The following RABGAP1L variants were observed in gnomAD, a reference collection of about 807,000 sequenced individuals.
RABGAP1L encodes the protein rab GTPase-activating protein 1-like.
In RABGAP1L, 63 loss-of-function variants were observed where a neutral mutation model predicts 137.7. That is an observed-to-expected ratio of 0.46 (90% CI 0.37 to 0.56). The LOEUF is 0.56. Ranked by LOEUF, RABGAP1L falls within the 20% of genes least tolerant of loss-of-function variation. The pLI, the probability that RABGAP1L is intolerant of heterozygous loss-of-function variation, is 0.00. For synonymous variants in RABGAP1L, 431 were observed against 433.7 expected, an observed-to-expected ratio of 0.99 and a Z score of 0.08; for missense variants, 1,095 against 1,244.0, an observed-to-expected ratio of 0.88 and a Z score of 1.80.
chr1:174,885,322 A>T (rs1654896501), intron 19 of RABGAP1L, among the ~76,000 whole-genome samples: 1 of 152,230 alleles, frequency 6.6e-6, no homozygotes, highest in African/African-American at 2.4e-5. Flanking sequence ...TTGTCAATAT[A>T]TGTAAAGCAC....
At chr1:174,673,885 C>CATT (rs1354804768) in intron 14 of RABGAP1L, among the ~76,000 whole-genome samples, 1 of 152,054 alleles carries the variant, frequency 6.6e-6, no homozygotes, top group Non-Finnish European at 1.5e-5. Flanking sequence ...TTTGCTACCT[C>CATT]ATTATTTAGC....
chr1:174,876,829 G>C (rs1653188670), intron 19 of RABGAP1L, among the ~76,000 whole-genome samples: 1 of 151,960 alleles, frequency 6.6e-6, no homozygotes, highest in African/African-American at 2.4e-5. Flanking sequence ...TGATATCGCT[G>C]TCCCTGTTTC....
At chr1:174,752,181 C>A in intron 17 of RABGAP1L, 132 bp from the exon 18 acceptor site, 2 of 688,852 alleles carry the variant, frequency 2.9e-6, no homozygotes, top group South Asian at 2.0e-5. Context: ...AAAAAAAACT[C>A]ATGGTTTAAT....
chr1:174,831,749 C>T (rs1692135486), intron 19 of RABGAP1L, among the ~76,000 whole-genome samples: 1 of 147,964 alleles, frequency 6.8e-6, no homozygotes, highest in South Asian at 2.2e-4. Context: ...AGCTTTATGT[C>T]TAGATAAAAC....
intron 13 of RABGAP1L, among the ~76,000 whole-genome samples, chr1:174,402,679 T>A (rs563492796): frequency 1.3e-5 from 2 of 152,296 alleles, no homozygotes; most frequent in East Asian, 3.9e-4. Context: ...GTTTTTATTA[T>A]TCCTGTTAAG....
chr1:174,621,111 A>G (rs912519884), intron 13 of RABGAP1L, among the ~76,000 whole-genome samples: 1 of 152,198 alleles, frequency 6.6e-6, no homozygotes, highest in Non-Finnish European at 1.5e-5. Context: ...TAATTGCTTC[A>G]AAGAGAATAA....
chr1:174,836,760 C>A (rs762988294), intron 19 of RABGAP1L, among the ~76,000 whole-genome samples: 2 of 152,140 alleles, frequency 1.3e-5, no homozygotes, highest in Non-Finnish European at 2.9e-5. Flanking sequence ...CTTCATCGCT[C>A]CTTCTCTTGA....
intron 13 of RABGAP1L, among the ~76,000 whole-genome samples, chr1:174,497,774 A>G (rs1353629435): frequency 1.3e-5 from 2 of 152,234 alleles, no homozygotes; most frequent in Admixed American, 6.5e-5. Flanking sequence ...CATTTGAACA[A>G]AAGATTCCAA....
chr1:174,208,793 T>C (rs187874032), intron 1 of RABGAP1L, among the ~76,000 whole-genome samples: 180 of 152,356 alleles, frequency 1.2e-3, no homozygotes, highest in African/African-American at 4.2e-3. Flanking sequence ...GTATTACCTC[T>C]GCTTCTATAT....
At chr1:174,503,654 C>T (rs1661535733) in intron 13 of RABGAP1L, among the ~76,000 whole-genome samples, 1 of 5,540 alleles carries the variant, frequency 1.8e-4, no homozygotes, top group Admixed American at 2.8e-3. Flanking sequence ...GAGCGAGACT[C>T]CGTCAAAAAA....
chr1:174,189,197 G>A (rs1667028597), intron 1 of RABGAP1L, among the ~76,000 whole-genome samples: 3 of 152,062 alleles, frequency 2.0e-5, no homozygotes, highest in Admixed American at 2.0e-4. Context: ...GGTAGAGACG[G>A]GGTTTCACTG....
chr1:174,412,737 T>C (rs891410304), intron 13 of RABGAP1L, among the ~76,000 whole-genome samples: 6 of 152,194 alleles, frequency 3.9e-5, no homozygotes, highest in African/African-American at 1.4e-4. Flanking sequence ...TTTGGCAGAA[T>C]ATGAAATTCT....
chr1:174,640,185 G>A (rs1372318804), intron 14 of RABGAP1L, among the ~76,000 whole-genome samples: 2 of 152,058 alleles, frequency 1.3e-5, no homozygotes, highest in Non-Finnish European at 2.9e-5. Flanking sequence ...ATCCTACCCT[G>A]TAGACCGCTT....
intron 11 of RABGAP1L, among the ~76,000 whole-genome samples, chr1:174,307,807 G>A (rs931263799): frequency 6.6e-6 from 1 of 152,072 alleles, no homozygotes; most frequent in Non-Finnish European, 1.5e-5. Context: ...TTGACATACT[G>A]GTTCATTTCC....
chr1:174,771,833 A>G (rs1197207715), intron 18 of RABGAP1L, among the ~76,000 whole-genome samples: 1 of 152,268 alleles, frequency 6.6e-6, no homozygotes, highest in Non-Finnish European at 1.5e-5. Flanking sequence ...TTTAATAAAT[A>G]AAATTAATAG....
At chr1:174,584,787 T>C (rs1391084256) in intron 13 of RABGAP1L, among the ~76,000 whole-genome samples, 1 of 152,110 alleles carries the variant, frequency 6.6e-6, no homozygotes, top group African/African-American at 2.4e-5. Flanking sequence ...TTTTCTATCA[T>C]TTTCTTCTTC....
chr1:174,589,589 G>C (rs1279834109), intron 13 of RABGAP1L, among the ~76,000 whole-genome samples: 1 of 152,070 alleles, frequency 6.6e-6, no homozygotes, highest in African/African-American at 2.4e-5. Context: ...TTCATAGTTT[G>C]AGGACTTAGA....
chr1:174,663,794 G>A (rs998380597), intron 14 of RABGAP1L, among the ~76,000 whole-genome samples: 3 of 152,168 alleles, frequency 2.0e-5, no homozygotes, highest in African/African-American at 4.8e-5. Flanking sequence ...GGTGGAACAA[G>A]TTGATGCTCT....
intron 13 of RABGAP1L, among the ~76,000 whole-genome samples, chr1:174,435,626 G>A (rs1490271633): frequency 6.6e-6 from 1 of 151,846 alleles, no homozygotes; most frequent in Non-Finnish European, 1.5e-5. Flanking sequence ...TGATCATTTT[G>A]TATATTCTTT....
Sources: gnomAD v4.1 joint callset for allele counts (sites outside exome capture counted in the v4.1 genomes callset) on GRCh38, gnomAD v4.1.1 for gene constraint, MANE v1.5 for transcripts, NCBI Gene and HGNC (gene_info 2026-07-23, HGNC 2026-07-21) for gene names.